CPA6: variants seen among roughly 807,000 people sequenced by gnomAD.
The protein encoded by CPA6 is carboxypeptidase A6.
CPA6 carries 58 observed loss-of-function variants against 63.3 expected under a neutral mutation model. The ratio of observed to expected loss-of-function variants is 0.92; its 90% confidence interval spans 0.74 to 1.14. The LOEUF is 1.14. Among genes scored for constraint, CPA6 ranks in the 50% most tolerant of loss-of-function variants. The pLI, the probability that CPA6 is intolerant of heterozygous loss-of-function variation, is 0.00. For missense variants in CPA6, 565 were observed against 526.6 expected, an observed-to-expected ratio of 1.07 and a Z score of -0.71; for synonymous variants, 185 against 179.0, an observed-to-expected ratio of 1.03 and a Z score of -0.27.
intron 2 of CPA6, among the ~76,000 whole-genome samples, chr8:67,581,173 T>C (rs1274139282): frequency 6.6e-6 from 1 of 152,222 alleles, no homozygotes; most frequent in Non-Finnish European, 1.5e-5. Flanking sequence ...ACAGTACTGG[T>C]CAATATCCAT....
chr8:67,436,853 A>G (rs1437590457), intron 8 of CPA6, among the ~76,000 whole-genome samples: 1 of 152,228 alleles, frequency 6.6e-6, no homozygotes, highest in South Asian at 2.1e-4. Context: ...CTAGAAAATG[A>G]TAATTCTCTC....
intron 1 of CPA6, chr8:67,732,485 G>C (rs189009598): frequency 5.9e-5 from 9 of 152,242 alleles, no homozygotes; most frequent in African/African-American, 2.2e-4. Flanking sequence ...TAAGAATATA[G>C]ATAAGAAGAT....
chr8:67,595,149 A>C (rs1465327637), intron 2 of CPA6, among the ~76,000 whole-genome samples: 1 of 152,192 alleles, frequency 6.6e-6, no homozygotes, highest in East Asian at 1.9e-4. Context: ...GGTCCACTCC[A>C]GACCCTGTTT....
intron 2 of CPA6, among the ~76,000 whole-genome samples, chr8:67,547,893 A>T (rs553095974): frequency 9.8e-5 from 15 of 152,312 alleles, no homozygotes; most frequent in African/African-American, 3.1e-4. Context: ...TTTGCAAATT[A>T]ATAATACATA....
At chr8:67,475,115 G>A (rs1247853359) in intron 8 of CPA6, among the ~76,000 whole-genome samples, 1 of 152,192 alleles carries the variant, frequency 6.6e-6, no homozygotes, top group Non-Finnish European at 1.5e-5. Flanking sequence ...TTTAAAATAA[G>A]AGTGAGAAAT....
intron 2 of CPA6, among the ~76,000 whole-genome samples, chr8:67,591,770 C>T (rs1231430199): frequency 6.6e-6 from 1 of 152,188 alleles, no homozygotes; most frequent in African/African-American, 2.4e-5. Flanking sequence ...TGCTTATCAG[C>T]TTAAGGAGAC....
chr8:67,480,989 T>A (rs1175760547), intron 8 of CPA6, among the ~76,000 whole-genome samples: 1 of 152,228 alleles, frequency 6.6e-6, no homozygotes, highest in African/African-American at 2.4e-5. Flanking sequence ...TCTGTTGAAA[T>A]CATTTGTGCA....
At chr8:67,663,220 A>C (rs1207585191) in intron 1 of CPA6, among the ~76,000 whole-genome samples, 1 of 152,230 alleles carries the variant, frequency 6.6e-6, no homozygotes, top group East Asian at 1.9e-4. Flanking sequence ...AACAACTGAA[A>C]ACCAGTAAAG....
chr8:67,722,031 A>G (rs539306154), intron 1 of CPA6, among the ~76,000 whole-genome samples: 10 of 152,272 alleles, frequency 6.6e-5, no homozygotes, highest in African/African-American at 2.4e-4. Context: ...TCTGTACCTC[A>G]CTTACATTTT....
At chr8:67,732,172 A>T (rs1036905661) in intron 1 of CPA6, among the ~76,000 whole-genome samples, 1 of 152,188 alleles carries the variant, frequency 6.6e-6, no homozygotes, top group Non-Finnish European at 1.5e-5. Context: ...CCCAAAACAC[A>T]TTGAACAGGG....
intron 2 of CPA6, among the ~76,000 whole-genome samples, chr8:67,559,022 T>C (rs1188282485): frequency 6.6e-6 from 1 of 152,218 alleles, no homozygotes; most frequent in Non-Finnish European, 1.5e-5. Flanking sequence ...TGACTCATGT[T>C]GCTTTTCAAA....
At chr8:67,674,569 G>T (rs576695005) in intron 1 of CPA6, among the ~76,000 whole-genome samples, 9 of 152,302 alleles carry the variant, frequency 5.9e-5, no homozygotes, top group Admixed American at 4.6e-4. Flanking sequence ...ATACACTGTT[G>T]GTGGGAATGT....
intron 8 of CPA6, among the ~76,000 whole-genome samples, chr8:67,472,021 A>G (rs1409230572): frequency 1.3e-5 from 2 of 152,256 alleles, no homozygotes. Context: ...AAATTATCAG[A>G]GAGATGTATT....
At chr8:67,540,574 G>A (rs1812683598) in intron 2 of CPA6, among the ~76,000 whole-genome samples, 1 of 152,244 alleles carries the variant, frequency 6.6e-6, no homozygotes, top group Non-Finnish European at 1.5e-5. Context: ...CTGGCAGGCA[G>A]GAACGTTTAA....
chr8:67,597,385 G>A (rs1814371266), intron 2 of CPA6, among the ~76,000 whole-genome samples: 1 of 151,868 alleles, frequency 6.6e-6, no homozygotes, highest in African/African-American at 2.4e-5. Flanking sequence ...TTTTAGAGAT[G>A]GGGTTTCACC....
At chr8:67,501,468 A>C (rs189212428) in intron 6 of CPA6, among the ~76,000 whole-genome samples, 87 of 152,212 alleles carry the variant, frequency 5.7e-4, no homozygotes, top group Middle Eastern at 3.4e-3. Context: ...TCATGGATGT[A>C]TGTTAAATTT....
At chr8:67,549,507 C>A (rs1356623096) in intron 2 of CPA6, among the ~76,000 whole-genome samples, 1 of 152,154 alleles carries the variant, frequency 6.6e-6, no homozygotes, top group Non-Finnish European at 1.5e-5. Flanking sequence ...ATAAAATTTA[C>A]CCTCTCAGAA....
chr8:67,616,136 A>G (rs1363118828), intron 2 of CPA6, among the ~76,000 whole-genome samples: 1 of 152,164 alleles, frequency 6.6e-6, no homozygotes, highest in Non-Finnish European at 1.5e-5. Flanking sequence ...AGAAATTTTA[A>G]CCACCAAGCC....
At chr8:67,693,016 G>A (rs532960930) in intron 1 of CPA6, among the ~76,000 whole-genome samples, 1 of 152,268 alleles carries the variant, frequency 6.6e-6, no homozygotes, top group South Asian at 2.1e-4. Flanking sequence ...AAATTCCAAC[G>A]ATGACTCAGA....
Sources: gnomAD v4.1 joint callset for allele counts (sites outside exome capture counted in the v4.1 genomes callset) on GRCh38, gnomAD v4.1.1 for gene constraint, MANE v1.5 for transcripts, NCBI Gene and HGNC (gene_info 2026-07-23, HGNC 2026-07-21) for gene names.